Variants in PIBF1 observed in about 807,000 individuals in gnomAD.
PIBF1 encodes progesterone-induced-blocking factor 1.
Under a neutral mutation model 112.5 loss-of-function variants are expected in PIBF1, and 90 were observed. That is an observed-to-expected ratio of 0.80 (90% CI 0.67 to 0.95). PIBF1 has a LOEUF of 0.95. Ranked by LOEUF, PIBF1 falls within the 40% of genes least tolerant of loss-of-function variation. The pLI is 0.00. For missense variants in PIBF1, 915 were observed against 852.3 expected (o/e 1.07, Z -0.92); for synonymous variants, 301 against 288.6 (o/e 1.04, Z -0.44).
At chr13:72,930,466 C>T (rs188576520) in intron 13 of PIBF1, among the ~76,000 whole-genome samples, 48 of 152,190 alleles carry the variant, frequency 3.2e-4, no homozygotes, top group Admixed American at 2.7e-3. Context: ...TATACCACTT[C>T]CTCCCACCAT....
intron 10 of PIBF1, among the ~76,000 whole-genome samples, chr13:72,882,468 G>A (rs534653866): frequency 5.9e-5 from 9 of 152,104 alleles, no homozygotes; most frequent in East Asian, 1.9e-4. Flanking sequence ...CTCCTGCATA[G>A]CAAAGGAAAC....
chr13:72,795,587 GA>G lies in PIBF1; in HGVS notation c.552+31del, dbSNP rs1426076093. The stretch of plus-strand genomic sequence containing the variant: ...GTATCTTATATCTATTTTTAACTAT[GA>G]CATATATTTTCAGACTAAAATTTAC... On this transcript the variant is annotated intron_variant, in intron 4 of 17. Transcript: ENST00000326291. 3 of 1,330,396 alleles carry G rather than the reference GA, an allele frequency of 2.3e-6. No individual in the cohort carries two copies. The Admixed American group carries it at 6.4e-5, about 28-fold the overall frequency. 82.4% of individuals were successfully genotyped at this position (1,330,396 alleles called of 1,614,324 possible). A position where few individuals can be genotyped will look rare whatever the true frequency, so the allele number is the denominator to read the frequency against.
At chr13:72,848,627 C>T (rs897328112) in intron 9 of PIBF1, among the ~76,000 whole-genome samples, 16 of 152,142 alleles carry the variant, frequency 1.1e-4, no homozygotes, top group South Asian at 2.1e-4. Context: ...GGGCGGATCA[C>T]GAGGTCAGGA....
chr13:72,834,147 G>A (rs1456717926), intron 8 of PIBF1, among the ~76,000 whole-genome samples: 1 of 152,066 alleles, frequency 6.6e-6, no homozygotes, highest in African/African-American at 2.4e-5. Flanking sequence ...GTATGCTAAC[G>A]ATTTCCTGTG....
chr13:72,941,463 A>G (rs1366789533), intron 14 of PIBF1, among the ~76,000 whole-genome samples: 2 of 152,194 alleles, frequency 1.3e-5, no homozygotes, highest in Admixed American at 6.5e-5. Flanking sequence ...GTAAATATTT[A>G]TCAATTTCCC....
chr13:72,817,471 A>T (rs1479101886), intron 5 of PIBF1, among the ~76,000 whole-genome samples: 1 of 152,162 alleles, frequency 6.6e-6, no homozygotes, highest in Non-Finnish European at 1.5e-5. Flanking sequence ...GTTTTAGTCT[A>T]TTTAATGTCC....
intron 13 of PIBF1, among the ~76,000 whole-genome samples, chr13:72,925,203 C>T (rs552964184): frequency 2.0e-5 from 3 of 152,206 alleles, no homozygotes; most frequent in Admixed American, 6.5e-5. Flanking sequence ...GTAAGAAATA[C>T]AGATGTCTGA....
intron 16 of PIBF1, among the ~76,000 whole-genome samples, chr13:72,980,750 A>G (rs535567460): frequency 6.6e-6 from 1 of 151,506 alleles, no homozygotes; most frequent in East Asian, 2.0e-4. Flanking sequence ...GGTTGCAGTG[A>G]GCCAAGATAG....
chr13:73,006,426 G>A (rs926401841), intron 17 of PIBF1, among the ~76,000 whole-genome samples: 8 of 152,146 alleles, frequency 5.3e-5, no homozygotes, highest in African/African-American at 9.7e-5. Flanking sequence ...AGCATGGAAC[G>A]AAGCTGACTG....
At position 72,864,825 on chromosome 13, in the gene PIBF1, A is replaced by G. The variant is rs371215902; in HGVS notation, c.1322+10670A>G. ...GTGTGAGTGTATTTCTCCCACTTGT[A>G]AATGAGCTCTTATTTCCTACAGTGT... On this transcript the variant is annotated intron_variant, in intron 10 of 17. Coordinates refer to ENST00000326291, the MANE Select transcript of PIBF1 (RefSeq NM_006346.4). Among the ~76,000 whole-genome samples the G allele has an allele frequency of 2.6e-5, 4 of 152,346 alleles. No homozygotes were observed. In the East Asian group the frequency reaches 5.8e-4, roughly 22 times the overall value.
chr13:72,944,791 G>A lies in PIBF1; in HGVS notation c.1833+13524G>A, dbSNP rs117146035. ...TTTGTTGGTTGGTTTTTTTGAGATG[G>A]AGTCTTACTCTCTTGCCCAGGCTGG... On this transcript the variant is annotated intron_variant, in intron 14 of 17. Coordinates refer to ENST00000326291, the MANE Select transcript of PIBF1 (RefSeq NM_006346.4). Among the ~76,000 whole-genome samples the A allele has an allele frequency of 8.5e-3, 1,290 of 152,104 alleles. 64 individuals carry two copies. Among genetic ancestry groups the A allele is most frequent in the East Asian group, 9.3e-3 (48 of 5,168 alleles).
chr13:72,793,212 G>A lies in PIBF1; in HGVS notation c.353+665G>A, dbSNP rs1205980907. The stretch of plus-strand genomic sequence containing the variant: ...TTACACAAAATCAAATCATACCTCT[G>A]TATTCAAAATATCTGGATCCTATAT... On this transcript the variant is annotated intron_variant, in intron 3 of 17. Transcript: ENST00000326291. 5.3e-5 allele frequency among the ~76,000 whole-genome samples: 8 copies of A among 152,116 alleles called. No homozygotes were observed. The East Asian group carries it at 1.3e-3, about 26-fold the overall frequency.
Position 72,923,985 on chromosome 13 carries a change from A to G in PIBF1, c.1730+6819A>G, listed in dbSNP as rs547324765. On this transcript the variant is annotated intron_variant, in intron 13 of 17. Coordinates refer to ENST00000326291, the MANE Select transcript of PIBF1 (RefSeq NM_006346.4). ...AACTCAAAAAAAAATTTTTTTAAAT[A>G]AAGATCTTAGGACTTGTTTTCATTG... 2.6e-5 allele frequency among the ~76,000 whole-genome samples: 4 copies of G among 152,306 alleles called. No individual in the cohort carries two copies. The South Asian group carries it at 8.3e-4, about 32-fold the overall frequency.
intron 5 of PIBF1, among the ~76,000 whole-genome samples, chr13:72,817,339 G>A (rs1026492567): frequency 2.0e-5 from 3 of 152,128 alleles, no homozygotes; most frequent in Non-Finnish European, 4.4e-5. Context: ...AGAAATTGAG[G>A]CTTGGCTATT....
intron 5 of PIBF1, among the ~76,000 whole-genome samples, chr13:72,799,881 T>C (rs1433485340): frequency 2.0e-5 from 3 of 152,226 alleles, no homozygotes; most frequent in Non-Finnish European, 4.4e-5. Flanking sequence ...TATTTGGGAC[T>C]TCTCAGCATG....
intron 2 of PIBF1, among the ~76,000 whole-genome samples, chr13:72,786,863 A>G (rs140531052): frequency 5.4e-4 from 83 of 152,318 alleles, no homozygotes; most frequent in African/African-American, 2.0e-3. Context: ...AGAAATACCT[A>G]TTGTAGAGTT....
chr13:72,932,417 C>T (rs866641773), intron 14 of PIBF1, among the ~76,000 whole-genome samples: 34 of 152,136 alleles, frequency 2.2e-4, no homozygotes, highest in African/African-American at 7.7e-4. Context: ...TCTTTATCCT[C>T]AAATTTCGAA....
At chr13:72,805,726 C>T (rs2035699961) in intron 5 of PIBF1, among the ~76,000 whole-genome samples, 1 of 152,170 alleles carries the variant, frequency 6.6e-6, no homozygotes, top group Non-Finnish European at 1.5e-5. Flanking sequence ...TATAATATTG[C>T]TATCAAACAG....
intron 10 of PIBF1, among the ~76,000 whole-genome samples, chr13:72,892,954 C>A (rs1456418938): frequency 6.6e-6 from 1 of 152,082 alleles, no homozygotes; most frequent in African/African-American, 2.4e-5. Context: ...ACTATAAGTT[C>A]TTTTAAAAAA....
Sources: gnomAD v4.1 joint callset for allele counts (sites outside exome capture counted in the v4.1 genomes callset) on GRCh38, gnomAD v4.1.1 for gene constraint, MANE v1.5 for transcripts, NCBI Gene and HGNC (gene_info 2026-07-23, HGNC 2026-07-21) for gene names.